A1CF: variants seen among roughly 807,000 people sequenced by gnomAD.
A1CF encodes APOBEC1 complementation factor.
A1CF carries 48 observed loss-of-function variants against 68.9 expected under a neutral mutation model. The observed-to-expected ratio is 0.70, with a 90% CI of 0.55 to 0.89. The LOEUF (loss-of-function observed/expected upper bound fraction) is 0.89. Ranked by LOEUF, A1CF falls within the 40% of genes least tolerant of loss-of-function variation. A1CF has a pLI of 0.00. For synonymous variants in A1CF, 272 were observed against 260.4 expected (o/e 1.04, Z -0.43); for missense variants, 653 against 718.9 (o/e 0.91, Z 1.05).
chr10:50,807,440 A>G (rs544726221), intron 12 of A1CF, among the ~76,000 whole-genome samples: 2 of 152,314 alleles, frequency 1.3e-5, no homozygotes, highest in South Asian at 4.1e-4. Flanking sequence ...TAATACCTTA[A>G]AAGCAAATGC....
chr10:50,854,226 T>A (rs1488569425), intron 3 of A1CF, among the ~76,000 whole-genome samples: 1 of 152,040 alleles, frequency 6.6e-6, no homozygotes, highest in African/African-American at 2.4e-5. Flanking sequence ...GAGATTATAC[T>A]TTGTTATTTT....
Position 50,837,299 on chromosome 10 carries a change from C to T in A1CF, c.366-987G>A, listed in dbSNP as rs1839548590. ...GGGATCTCAGTTCCTGTTTCTTCCA[C>T]TGTACAGAGTTGCTTCTTAGCAAGT... is the stretch of plus-strand genomic sequence containing the variant. On this transcript the variant is annotated intron_variant, in intron 5 of 12. Coordinates refer to ENST00000373997, the MANE Select transcript of A1CF (RefSeq NM_014576.4). 2.6e-5 allele frequency among the ~76,000 whole-genome samples: 4 copies of T among 152,188 alleles called. No homozygotes were observed. The South Asian group carries it at 8.3e-4, about 32-fold the overall frequency.
rs771706276 is a variant in A1CF, at chr10:50,859,934, A to G, written c.7T>C (p.Ser3Pro). 6 of 1,613,898 alleles carry G rather than the reference A, an allele frequency of 3.7e-6. No individual in the cohort carries two copies. The highest frequency in any genetic ancestry group is 8.5e-7 in the Non-Finnish European group (1 of 1,179,896). The stretch of plus-strand genomic sequence containing the variant: ...AATCCATCCCCGGATTTGTGATTTG[A>G]TTCCATTGAGAGTGATTATCAGCAA... ME[S>P]NHKSGDGLSG... The change falls in exon 3 of 13, where the codon TCA becomes CCA. Residue 3 changes from serine to proline, a missense_variant. Coordinates refer to ENST00000373997, the MANE Select transcript of A1CF (RefSeq NM_014576.4).
intron 4 of A1CF, among the ~76,000 whole-genome samples, chr10:50,843,375 A>G (rs1839863178): frequency 6.6e-6 from 1 of 152,178 alleles, no homozygotes; most frequent in Non-Finnish European, 1.5e-5. Context: ...TTTGGCATTC[A>G]GGCAGAGAGC....
intron 1 of A1CF, among the ~76,000 whole-genome samples, chr10:50,876,146 T>C (rs1443604213): frequency 6.6e-6 from 1 of 152,212 alleles, no homozygotes; most frequent in Admixed American, 6.5e-5. Flanking sequence ...TTCCATCAGA[T>C]CTTGGGTATA....
intron 5 of A1CF, among the ~76,000 whole-genome samples, chr10:50,838,945 T>A (rs1839647414): frequency 6.6e-6 from 1 of 152,162 alleles, no homozygotes; most frequent in Admixed American, 6.6e-5. Context: ...TCTGTCATAT[T>A]TTTCCTTTTC....
intron 7 of A1CF, among the ~76,000 whole-genome samples, chr10:50,821,541 A>AT (rs145573952): frequency 0.47 from 70,843 of 149,148 alleles, 16,813 homozygotes; most frequent in Middle Eastern, 0.56. Flanking sequence ...TTAGAGACCT[A>AT]TTTTTTTTTT....
intron 8 of A1CF, chr10:50,816,557 C>T (rs569151722): frequency 1.1e-5 from 4 of 351,948 alleles, no homozygotes; most frequent in East Asian, 5.2e-5. Context: ...GTTACAGTCA[C>T]TGAGACAGAA....
Position 50,811,133 on chromosome 10 carries a change from A to G in A1CF, c.1367T>C (p.Val456Ala). Reference protein sequence around the residue: ...ICQKNNWGQPVYQLHSAIGQD... With the variant: ...ICQKNNWGQPAYQLHSAIGQD... The stretch of plus-strand genomic sequence containing the variant: ...TCCAATAGCAGAGTGCAGCTGGTAC[A>G]CTGGCTGTCCCCAGTTATTTTTCTG... Residue 456 changes from valine to alanine, a missense_variant, in exon 11 of 13, where the codon GTG (valine) becomes GCG (alanine). Transcript: ENST00000373997. The G allele has an allele frequency of 6.2e-7, 1 of 1,613,504 alleles. No individual in the cohort carries two copies. Among genetic ancestry groups the G allele is most frequent in the Non-Finnish European group, 8.5e-7 (1 of 1,179,650 alleles).
intron 3 of A1CF, among the ~76,000 whole-genome samples, chr10:50,844,507 G>A (rs1003019089): frequency 2.6e-5 from 4 of 152,116 alleles, no homozygotes; most frequent in African/African-American, 9.6e-5. Flanking sequence ...GGGAACACAA[G>A]GAATAGCCTT....
chr10:50,850,339 A>G lies in A1CF; in HGVS notation c.100-6217T>C, dbSNP rs138442259. On this transcript the variant is annotated intron_variant, in intron 3 of 12. Transcript: ENST00000373997. Reference sequence around the variant, plus strand: ...TTTTCAAGTTGATGCATTTAATAATATCTTTTAATAATTTCCCTTTATGTT... The same window carrying G: ...TTTTCAAGTTGATGCATTTAATAATGTCTTTTAATAATTTCCCTTTATGTT... Among the ~76,000 whole-genome samples the G allele has an allele frequency of 9.8e-5, 15 of 152,330 alleles. No homozygotes were observed. The East Asian group carries it at 2.7e-3, about 27-fold the overall frequency.
At chr10:50,881,075 C>T (rs550096086) in intron 1 of A1CF, among the ~76,000 whole-genome samples, 10 of 151,866 alleles carry the variant, frequency 6.6e-5, no homozygotes, top group African/African-American at 2.4e-4. Context: ...CTGCAACCTT[C>T]GCCTCCTGGG....
Position 50,817,296 on chromosome 10 carries a change from A to C in A1CF, c.868-1017T>G, listed in dbSNP as rs192193238. On this transcript the variant is annotated intron_variant, in intron 8 of 12. Transcript: ENST00000373997. ...TTTTATATAAAGAACACTTTTATGT[A>C]AAGTGTTTCTACAGAAATTCCCATT... Among the ~76,000 whole-genome samples, 13 of 152,318 alleles carry C rather than the reference A, an allele frequency of 8.5e-5. No individual in the cohort carries two copies. In the East Asian group the frequency reaches 2.1e-3, roughly 25 times the overall value.
intron 12 of A1CF, 39 bp from the exon 13 acceptor site, chr10:50,806,919 C>A: frequency 1.3e-6 from 2 of 1,584,366 alleles, no homozygotes; most frequent in South Asian, 1.2e-5. Context: ...GAAAGGAATT[C>A]ACATTTGCTC....
intron 3 of A1CF, among the ~76,000 whole-genome samples, chr10:50,851,314 T>A (rs1435169137): frequency 6.6e-6 from 1 of 152,166 alleles, no homozygotes; most frequent in Non-Finnish European, 1.5e-5. Flanking sequence ...GATATCATGT[T>A]TAATGGAGGA....
At chr10:50,839,748 T>G (rs1405224072) in intron 5 of A1CF, among the ~76,000 whole-genome samples, 2 of 149,456 alleles carry the variant, frequency 1.3e-5, no homozygotes, top group African/African-American at 4.8e-5. Context: ...AAGGCGTTGT[T>G]TGTTTGTTTG....
At chr10:50,856,402 A>G (rs1338505125) in intron 3 of A1CF, among the ~76,000 whole-genome samples, 1 of 152,120 alleles carries the variant, frequency 6.6e-6, no homozygotes, top group African/African-American at 2.4e-5. Flanking sequence ...TTAGGTATAG[A>G]TAACTAGCTT....
At chr10:50,842,119 A>G in intron 4 of A1CF, 127 bp from the exon 5 acceptor site, 1 of 805,928 alleles carries the variant, frequency 1.2e-6, no homozygotes, top group Non-Finnish European at 1.9e-6. Context: ...TCCTGCCAGT[A>G]CTATTTGGCA....
In A1CF at chr10:50,872,668, G is replaced by A. The variant is rs116042781; in HGVS notation, c.-93-8588C>T. ...GGTCTGGAGCATCTGAAGCACTATG[G>A]TAACTTAGCCTCTTTGCCGGAATGA... On this transcript the variant is annotated intron_variant, in intron 1 of 12. Coordinates refer to ENST00000373997, the MANE Select transcript of A1CF (RefSeq NM_014576.4). Among the ~76,000 whole-genome samples, 877 of 152,186 alleles carry A rather than the reference G, an allele frequency of 5.8e-3. 8 individuals carry two copies. The highest frequency in any genetic ancestry group is 0.019 in the African/African-American group (794 of 41,544).
Sources: gnomAD v4.1 joint callset for allele counts (sites outside exome capture counted in the v4.1 genomes callset) on GRCh38, gnomAD v4.1.1 for gene constraint, MANE v1.5 for transcripts, NCBI Gene and HGNC (gene_info 2026-07-23, HGNC 2026-07-21) for gene names.